Variants in FBXO15 observed in about 807,000 individuals in gnomAD.
FBXO15 encodes the protein F-box only protein 15.
In FBXO15, 30 loss-of-function variants were observed where a neutral mutation model predicts 49.5. The ratio of observed to expected loss-of-function variants is 0.61; its 90% CI spans 0.45 to 0.82. The LOEUF (loss-of-function observed/expected upper bound fraction) is 0.82. Among genes scored for constraint, FBXO15 ranks in the 40% least tolerant of loss-of-function variants. FBXO15 has a pLI of 0.00. For synonymous variants in FBXO15, 250 were observed against 232.7 expected, an observed-to-expected ratio of 1.07 and a Z score of -0.68; for missense variants, 591 against 631.5, an observed-to-expected ratio of 0.94 and a Z score of 0.69.
At chr18:74,094,287 A>C (rs1913182732) in intron 8 of FBXO15, among the ~76,000 whole-genome samples, 1 of 152,158 alleles carries the variant, frequency 6.6e-6, no homozygotes, top group Non-Finnish European at 1.5e-5. Flanking sequence ...TCTTGGTACT[A>C]TTCTTATGAT....
Position 74,133,728 on chromosome 18 carries a change from C to T in FBXO15, c.332+2034G>A, listed in dbSNP as rs182218754. Among the ~76,000 whole-genome samples, 8 of 152,260 alleles carry T rather than the reference C, an allele frequency of 5.3e-5. No individual in the cohort carries two copies. In the South Asian group the frequency reaches 6.2e-4, roughly 12 times the overall value. ...GGTGAAGCCTCAGGAAGCTTCTACA[C>T]GTGGCAGAAAACCAAGGCGAGCCAA... On this transcript the variant is annotated intron_variant, in intron 3 of 9. Coordinates refer to ENST00000419743, the MANE Select transcript of FBXO15 (RefSeq NM_001142958.2).
At chr18:74,077,171 C>T (rs1024878095) in intron 9 of FBXO15, among the ~76,000 whole-genome samples, 14 of 152,276 alleles carry the variant, frequency 9.2e-5, no homozygotes, top group Admixed American at 2.6e-4. Flanking sequence ...CCCCTGGCCA[C>T]CTGCATATGC....
chr18:74,104,406 A>G (rs1364937475), intron 8 of FBXO15, among the ~76,000 whole-genome samples: 1 of 152,194 alleles, frequency 6.6e-6, no homozygotes, highest in African/African-American at 2.4e-5. Flanking sequence ...CAAGCAACAA[A>G]GTGGCAGTAG....
At chr18:74,123,097 A>C in intron 8 of FBXO15, 1 of 323,248 alleles carries the variant, frequency 3.1e-6, no homozygotes, top group South Asian at 8.3e-5. Context: ...GAAAAATAAT[A>C]AGGAAGCATC....
chr18:74,131,969 C>T (rs2145206710), intron 3 of FBXO15, among the ~76,000 whole-genome samples: 1 of 152,310 alleles, frequency 6.6e-6, no homozygotes, highest in East Asian at 1.9e-4. Flanking sequence ...ACACCACCTC[C>T]TTGACTCAGA....
At chr18:74,127,217 G>A (rs1273407835) in intron 5 of FBXO15, among the ~76,000 whole-genome samples, 1 of 151,222 alleles carries the variant, frequency 6.6e-6, no homozygotes, top group Non-Finnish European at 1.5e-5. Context: ...GAGGCTGGGT[G>A]GGGATGTGAG....
intron 9 of FBXO15, among the ~76,000 whole-genome samples, chr18:74,076,870 C>G (rs897223589): frequency 6.6e-6 from 1 of 152,194 alleles, no homozygotes; most frequent in African/African-American, 2.4e-5. Context: ...CTTGAACACA[C>G]CATGCCCCCA....
In FBXO15 at chr18:74,130,529, C is replaced by T; in HGVS notation, c.462G>A (p.Trp154Ter). ...TTTGTTTTGTGATATATTCTTTCTTCCAATAACCAGCTTCTTTATCCTGAA... is the reference window on the plus strand; with the variant it reads ...TTTGTTTTGTGATATATTCTTTCTTTCAATAACCAGCTTCTTTATCCTGAA... ...LSVQDKEAGYWKKEYITKQIA... is the reference protein window; with the variant it reads ...LSVQDKEAGY The change falls in exon 4 of 10, where the codon TGG (tryptophan) becomes TGA (stop). Residue 154 changes from tryptophan to a stop codon, truncating the protein, a stop_gained. Coordinates refer to ENST00000419743, the MANE Select transcript of FBXO15 (RefSeq NM_001142958.2). LOFTEE classifies it high-confidence loss of function. 1 of 1,614,092 alleles carries T rather than the reference C, an allele frequency of 6.2e-7. No individual in the cohort carries two copies. Among genetic ancestry groups the T allele is most frequent in the Admixed American group, 1.7e-5 (1 of 60,004 alleles).
At chr18:74,123,080 G>A (rs1218479775) in intron 8 of FBXO15, 3 of 283,480 alleles carry the variant, frequency 1.1e-5, no homozygotes, top group African/African-American at 2.2e-5. Flanking sequence ...GGAAAGCAGA[G>A]AGCATGGAAA....
chr18:74,086,017 T>G (rs1386862983), intron 8 of FBXO15, among the ~76,000 whole-genome samples: 4 of 152,104 alleles, frequency 2.6e-5, no homozygotes, highest in African/African-American at 9.7e-5. Context: ...TACTAACAAG[T>G]ACTAATAAAT....
chr18:74,102,119 C>G (rs1437595205), intron 8 of FBXO15, among the ~76,000 whole-genome samples: 1 of 152,042 alleles, frequency 6.6e-6, no homozygotes, highest in Non-Finnish European at 1.5e-5. Flanking sequence ...ATAGCTGGGA[C>G]TTAATTAAAC....
intron 3 of FBXO15, among the ~76,000 whole-genome samples, chr18:74,132,409 A>G (rs1157785624): frequency 6.6e-6 from 1 of 152,214 alleles, no homozygotes; most frequent in Non-Finnish European, 1.5e-5. Context: ...GTTAGCACTT[A>G]CCAACTGCAA....
At chr18:74,073,827 G>A (rs577057939) in intron 9 of FBXO15, 97 bp from the exon 10 acceptor site, 39 of 1,430,400 alleles carry the variant, frequency 2.7e-5, no homozygotes, top group South Asian at 9.6e-5. Context: ...GAAATGCTGC[G>A]TGTGGCATCA....
At chr18:74,078,018 TGAG>T (rs1199263218) in intron 9 of FBXO15, among the ~76,000 whole-genome samples, 1 of 152,020 alleles carries the variant, frequency 6.6e-6, no homozygotes, top group African/African-American at 2.4e-5. Context: ...GCGAGAAGGT[TGAG>T]GAGGAGAAAC....
At chr18:74,144,399 G>A (rs1216478819) in intron 1 of FBXO15, among the ~76,000 whole-genome samples, 1 of 152,014 alleles carries the variant, frequency 6.6e-6, no homozygotes, top group Non-Finnish European at 1.5e-5. Flanking sequence ...AATAAGTTGG[G>A]GGGTGGGGGT....
chr18:74,123,324 C>T, intron 8 of FBXO15, 44 bp downstream of exon 8: 1 of 1,584,376 alleles, frequency 6.3e-7, no homozygotes. Context: ...TCCCTCACCT[C>T]AACCTTTAAT....
intron 8 of FBXO15, among the ~76,000 whole-genome samples, chr18:74,110,579 A>G (rs1913976178): frequency 6.6e-6 from 1 of 152,050 alleles, no homozygotes; most frequent in Admixed American, 6.6e-5. Flanking sequence ...AACTTTAAAC[A>G]CCAGTGGTCT....
Position 74,147,693 on chromosome 18 carries a change from C to T in FBXO15, c.93G>A (p.Gly31=), listed in dbSNP as rs940530833. 4 of 1,515,580 alleles carry T rather than the reference C, an allele frequency of 2.6e-6. No homozygotes were observed. Among genetic ancestry groups the T allele is most frequent in the South Asian group, 1.2e-5 (1 of 81,492 alleles). The allele number at this position is 1,515,580 out of a possible 1,614,324, so 93.9% of individuals were successfully genotyped here. ...GPSRGGGAAR[G]RARAFGCRKG... is the part of the protein sequence containing the mutation. ...ACCTGCACCCAAAGGCCCTGGCGCG[C>T]CCCCGGGCCGCGCCACCGCCCCTGC... The change falls in exon 1 of 10, where the codon GGG becomes GGA. Residue 31 remains glycine, a synonymous_variant. Transcript: ENST00000419743.
Position 74,075,511 on chromosome 18 carries a change from C to T in FBXO15, c.1264-1781G>A, listed in dbSNP as rs942933361. Among the ~76,000 whole-genome samples, 2 of 152,226 alleles carry T rather than the reference C, an allele frequency of 1.3e-5. No homozygotes were observed. Among genetic ancestry groups the T allele is most frequent in the African/African-American group, 4.8e-5 (2 of 41,456 alleles). ...GAGAGGGAAACAGCCTCCCTGGGCC[C>T]CGCAGGCCCCTGCTCTTTCCTCGCT... is the stretch of plus-strand genomic sequence containing the variant. On this transcript the variant is annotated intron_variant, in intron 9 of 9. Coordinates refer to ENST00000419743, the MANE Select transcript of FBXO15 (RefSeq NM_001142958.2). The surrounding 1 kb of genome is among the most constrained non-coding windows in gnomAD (Gnocchi z 4.1).
Sources: allele counts gnomAD v4.1 joint callset (sites outside exome capture counted in the v4.1 genomes callset), GRCh38; gene constraint gnomAD v4.1.1; non-coding constraint Gnocchi (gnomAD v3.1); transcripts MANE v1.5; gene names NCBI Gene and HGNC (gene_info 2026-07-23, HGNC 2026-07-21).